The following KLHL41 variants were observed in gnomAD, a reference collection of about 807,000 sequenced individuals.
The protein encoded by KLHL41 is kelch-like protein 41.
KLHL41 carries 31 observed loss-of-function variants against 49.2 expected under a neutral mutation model. That is an observed-to-expected ratio of 0.63 (90% CI 0.47 to 0.85). The LOEUF (loss-of-function observed/expected upper bound fraction) is 0.85. KLHL41 is among the 40% of genes least tolerant of loss of function. KLHL41 has a pLI of 0.00. For missense variants in KLHL41, 663 were observed against 726.7 expected (o/e 0.91, Z 1.01); for synonymous variants, 218 against 258.5 (o/e 0.84, Z 1.50).
At chr2:169,514,796 T>C in intron 2 of KLHL41, 58 bp from the exon 3 acceptor site, 3 of 1,596,644 alleles carry the variant, frequency 1.9e-6, no homozygotes, top group Non-Finnish European at 2.6e-6. Context: ...AACATATTCA[T>C]ATTTTCAGAA....
At position 169,509,801 on chromosome 2, in the gene KLHL41, C is replaced by T. The variant is rs770715631; in HGVS notation, c.23C>T (p.Ala8Val). ...AGAATGGATTCCCAGCGGGAACTTG[C>T]AGAGGAACTGCGGCTTTACCAATCC... MDSQREL[A>V]EELRLYQSTL... The change falls in exon 1 of 6, where the codon GCA becomes GTA. Residue 8 changes from alanine (A) to valine (V), a missense_variant. By Grantham distance (64) the Ala-to-Val change is moderately conservative. Transcript: ENST00000284669. The T allele has an allele frequency of 3.7e-6, 6 of 1,611,834 alleles. No homozygotes were observed. The East Asian group carries it at 1.1e-4, about 30-fold the overall frequency.
intron 5 of KLHL41, 27 bp from the exon 6 acceptor site, chr2:169,525,558 T>C (rs755933165): frequency 7.3e-6 from 10 of 1,366,946 alleles, no homozygotes; most frequent in South Asian, 5.8e-5. Flanking sequence ...AAGCTGCTTA[T>C]TGATTACTTT....
At position 169,510,897 on chromosome 2, in the gene KLHL41, G is replaced by A. The variant is rs771116544; in HGVS notation, c.1110+9G>A. The A allele has an allele frequency of 3.1e-6, 5 of 1,606,940 alleles. No individual in the cohort carries two copies. Among genetic ancestry groups the A allele is most frequent in the Non-Finnish European group, 4.3e-6 (5 of 1,175,964 alleles). ...AGTCATACTTCTTCCAGGTAAGAAG[G>A]ACTTTTTGTATATGTAGTTGCTTAA... On this transcript the variant is annotated intron_variant, in intron 1 of 5. Transcript: ENST00000284669. The surrounding 1 kb of genome is among the most constrained non-coding windows in gnomAD (Gnocchi z 4.2).
chr2:169,525,853 A>G lies in KLHL41; in HGVS notation c.*157A>G, dbSNP rs1462253632. On this transcript the variant is annotated 3_prime_UTR_variant, in exon 6 of 6. Coordinates refer to ENST00000284669, the MANE Select transcript of KLHL41 (RefSeq NM_006063.3). ...AGCAGTAGGTAAGAAAACCTCAGTC[A>G]TTGACTCTTCAATGTAATGATCAGA... The G allele has an allele frequency of 1.2e-5, 6 of 486,938 alleles. No individual in the cohort carries two copies. Among genetic ancestry groups the G allele is most frequent in the African/African-American group, 5.8e-5 (3 of 51,354 alleles). The allele number at this position is 486,938 out of a possible 1,614,324, so 30.2% of individuals were successfully genotyped here.
At chr2:169,521,484 C>G (rs1433760449) in intron 5 of KLHL41, among the ~76,000 whole-genome samples, 2 of 152,192 alleles carry the variant, frequency 1.3e-5, no homozygotes, top group Non-Finnish European at 2.9e-5. Context: ...ACCTCGGCCT[C>G]CCAGGTTCAA....
At chr2:169,512,168 A>C (rs969109903) in intron 1 of KLHL41, among the ~76,000 whole-genome samples, 2 of 152,232 alleles carry the variant, frequency 1.3e-5, no homozygotes, top group African/African-American at 2.4e-5. Context: ...TGAAAAATGT[A>C]GTTGTGATAA....
Position 169,520,960 on chromosome 2 carries a change from A to T in KLHL41, c.1662A>T (p.Gln554His), listed in dbSNP as rs747439201. The T allele has an allele frequency of 2.5e-6, 4 of 1,614,048 alleles. No homozygotes were observed. The highest frequency in any genetic ancestry group is 3.4e-6 in the Non-Finnish European group (4 of 1,179,914). ...LYAIGGFAMI[Q>H]LESKEFAPTE... ...CAATTGGTGGTTTTGCTATGATTCA[A>T]CTGGAGTCTAAAGAATTTGCACCCA... is the stretch of plus-strand genomic sequence containing the variant. Residue 554 changes from glutamine (Q) to histidine (H), a missense_variant, in exon 5 of 6, where the codon CAA (glutamine) becomes CAT (histidine). Physicochemically the swap from Gln to His is conservative, Grantham distance 24. Coordinates refer to ENST00000284669, the MANE Select transcript of KLHL41 (RefSeq NM_006063.3).
In KLHL41 at chr2:169,514,608, C is replaced by T; in HGVS notation, c.1145C>T (p.Pro382Leu). The change falls in exon 2 of 6, where the codon CCA (proline) becomes CTA (leucine). Residue 382 changes from proline (P) to leucine (L), a missense_variant. By Grantham distance (98) the Pro-to-Leu change is moderately conservative (BLOSUM62 -3). This residue lies in a region of KLHL41 where 528 missense variants were observed against 581.0 expected (regional missense o/e 0.91). Transcript: ENST00000284669. ...ATAGCATCTGAATGGGTTGGACTTC[C>T]ACCTCTGCCTTCAGCCAGGTGTCTC... Reference protein sequence around the residue: ...DSIASEWVGLPPLPSARCLFG... With the variant: ...DSIASEWVGLLPLPSARCLFG... 1 of 1,613,828 alleles carries T rather than the reference C, an allele frequency of 6.2e-7. No individual in the cohort carries two copies. Among genetic ancestry groups the T allele is most frequent in the Non-Finnish European group, 8.5e-7 (1 of 1,179,894 alleles).
In KLHL41 at chr2:169,525,576, C is replaced by A; in HGVS notation, c.1710-9C>A. On this transcript the variant is annotated splice_polypyrimidine_tract_variant and intron_variant, in intron 5 of 5. Coordinates refer to ENST00000284669, the MANE Select transcript of KLHL41 (RefSeq NM_006063.3). ...CTGCTTATTGATTACTTTTTTTTTC[C>A]TCCATCAGGTATGAAGATGATAAAA... The A allele has an allele frequency of 6.5e-7, 1 of 1,535,802 alleles. No individual in the cohort carries two copies. The highest frequency in any genetic ancestry group is 9.0e-7 in the Non-Finnish European group (1 of 1,113,108).
At chr2:169,519,890 G>A (rs1251164633) in intron 4 of KLHL41, among the ~76,000 whole-genome samples, 3 of 151,612 alleles carry the variant, frequency 2.0e-5, no homozygotes, top group African/African-American at 2.4e-5. Flanking sequence ...CACCGTGCCC[G>A]GCCTTAGGGT....
chr2:169,514,936 T>C lies in KLHL41; in HGVS notation c.1351T>C (p.Cys451Arg). 1 of 1,605,388 alleles carries C rather than the reference T, an allele frequency of 6.2e-7. No homozygotes were observed. The highest frequency in any genetic ancestry group is 8.5e-7 in the Non-Finnish European group (1 of 1,176,012). The change falls in exon 3 of 6, where the codon TGT becomes CGT. Residue 451 changes from cysteine (C) to arginine (R), a missense_variant. Transcript: ENST00000284669. ...GATTTCACATAAAGGGATGATATAT[T>C]GTCTAGGAGGAAAGACAGATGACAA... ...NVISHKGMIY[C>R]LGGKTDDKKC...
chr2:169,517,397 A>C (rs1176416594), intron 3 of KLHL41, among the ~76,000 whole-genome samples: 1 of 152,178 alleles, frequency 6.6e-6, no homozygotes, highest in Non-Finnish European at 1.5e-5. Flanking sequence ...GAGCTCAGGA[A>C]TTCGAGACCA....
At chr2:169,518,450 T>A in intron 4 of KLHL41, 75 bp downstream of exon 4, 1 of 1,150,504 alleles carries the variant, frequency 8.7e-7, no homozygotes, top group African/African-American at 1.5e-5. Flanking sequence ...TAAAAAGTTA[T>A]CTTTCTAATT....
rs1480711711 is a variant in KLHL41, at chr2:169,510,533, T to G, written c.755T>G (p.Ile252Ser). The change falls in exon 1 of 6, where the codon ATC (isoleucine) becomes AGC (serine). Residue 252 changes from isoleucine (I) to serine (S), a missense_variant. Coordinates refer to ENST00000284669, the MANE Select transcript of KLHL41 (RefSeq NM_006063.3). This position sits in a 1 kb window ranked among gnomAD's most constrained non-coding sequence, Gnocchi z 4.2. ...AGCAACCCAGACCTCCAGAAAAAAATCAAAGTTCTAAAAGATGCTTTCGCA... is the reference window on the plus strand; with the variant it reads ...AGCAACCCAGACCTCCAGAAAAAAAGCAAAGTTCTAAAAGATGCTTTCGCA... ...IKSNPDLQKK[I>S]KVLKDAFAGK... 1 of 1,613,340 alleles carries G rather than the reference T, an allele frequency of 6.2e-7. No homozygotes were observed. Among genetic ancestry groups the G allele is most frequent in the Non-Finnish European group, 8.5e-7 (1 of 1,179,860 alleles).
chr2:169,517,278 C>A lies in KLHL41; in HGVS notation c.1377-912C>A, dbSNP rs562117582. Among the ~76,000 whole-genome samples the A allele has an allele frequency of 2.3e-4, 35 of 152,276 alleles. No individual in the cohort carries two copies. The Middle Eastern group carries it at 0.017, about 74-fold the overall frequency. On this transcript the variant is annotated intron_variant, in intron 3 of 5. Transcript: ENST00000284669. ...ATTATTTGAAATTCTGAACTCCCAT[C>A]AAATTATAGATAACTTCAAGGAACC... is the stretch of plus-strand genomic sequence containing the variant.
Position 169,525,737 on chromosome 2 carries a change from TG to T in KLHL41, c.*43del. On this transcript the variant is annotated 3_prime_UTR_variant, in exon 6 of 6. Coordinates refer to ENST00000284669, the MANE Select transcript of KLHL41 (RefSeq NM_006063.3). The stretch of plus-strand genomic sequence containing the variant: ...ATAATAGATTGGGAGGTGGTTTGTT[TG>T]GTGAATGGGGCTTTAATTTATTCTG... 1 of 1,115,780 alleles carries T rather than the reference TG, an allele frequency of 9.0e-7. No individual in the cohort carries two copies. Among genetic ancestry groups the T allele is most frequent in the Non-Finnish European group, 1.4e-6 (1 of 731,610 alleles). 69.1% of individuals were successfully genotyped at this position (1,115,780 alleles called of 1,614,324 possible).
intron 3 of KLHL41, among the ~76,000 whole-genome samples, chr2:169,515,957 A>G (rs895971148): frequency 6.6e-6 from 1 of 152,234 alleles, no homozygotes; most frequent in Admixed American, 6.5e-5. Flanking sequence ...TTTCCAGTCA[A>G]TTCTTAAGGA....
intron 4 of KLHL41, among the ~76,000 whole-genome samples, chr2:169,520,213 C>T (rs1684178985): frequency 9.7e-6 from 1 of 102,600 alleles, no homozygotes; most frequent in Non-Finnish European, 1.8e-5. Context: ...TGTGTGTAGA[C>T]AGTCCATTTT....
rs761748048 is a variant in KLHL41, at chr2:169,514,848, T to A, written c.1269-6T>A. The A allele has an allele frequency of 6.2e-7, 1 of 1,600,396 alleles. No homozygotes were observed. The highest frequency in any genetic ancestry group is 2.2e-5 in the East Asian group (1 of 44,842). Reference sequence around the variant, plus strand: ...GGTATATAAATTCTGTCTCGTTTAATTTTAGGGCTGCAAAATGGAACGAAG... The same window carrying A: ...GGTATATAAATTCTGTCTCGTTTAAATTTAGGGCTGCAAAATGGAACGAAG... On this transcript the variant is annotated splice_region_variant and splice_polypyrimidine_tract_variant and intron_variant, in intron 2 of 5. Coordinates refer to ENST00000284669, the MANE Select transcript of KLHL41 (RefSeq NM_006063.3).
Sources: gnomAD v4.1 joint callset for allele counts (sites outside exome capture counted in the v4.1 genomes callset) on GRCh38, gnomAD v4.1.1 for gene constraint, gnomAD v4.1.1 regional missense constraint, Gnocchi (gnomAD v3.1) non-coding constraint, MANE v1.5 for transcripts, NCBI Gene and HGNC (gene_info 2026-07-23, HGNC 2026-07-21) for gene names.